Variants in ALG14 observed in about 807,000 individuals in gnomAD.
ALG14 encodes UDP-N-acetylglucosamine transferase subunit ALG14.
ALG14 carries 17 observed loss-of-function variants against 22.8 expected under a neutral mutation model. That is an observed-to-expected ratio of 0.75 (90% CI 0.51 to 1.12). The LOEUF is 1.12. ALG14 is among the 50% of genes most tolerant of loss of function. The pLI is 0.00. For missense variants in ALG14, 288 were observed against 271.8 expected, an observed-to-expected ratio of 1.06 and a Z score of -0.42; for synonymous variants, 89 against 103.7, an observed-to-expected ratio of 0.86 and a Z score of 0.86.
At chr1:95,027,800 C>CT (rs1344100670) in intron 2 of ALG14, among the ~76,000 whole-genome samples, 1 of 152,170 alleles carries the variant, frequency 6.6e-6, no homozygotes, top group East Asian at 1.9e-4. Flanking sequence ...ATGGGTACAA[C>CT]TTTTTGGGAG....
At chr1:94,995,940 G>A (rs1339724825) in intron 3 of ALG14, among the ~76,000 whole-genome samples, 1 of 152,172 alleles carries the variant, frequency 6.6e-6, no homozygotes. Flanking sequence ...GGAGGTTTTT[G>A]GAGGGTTTTA....
chr1:95,065,783 C>G (rs1675339318), intron 1 of ALG14, among the ~76,000 whole-genome samples: 1 of 152,196 alleles, frequency 6.6e-6, no homozygotes, highest in South Asian at 2.1e-4. Flanking sequence ...TATTTATCAG[C>G]TTCACCAAAT....
intron 3 of ALG14, among the ~76,000 whole-genome samples, chr1:94,984,942 TTTC>T (rs1021301498): frequency 2.6e-5 from 4 of 152,336 alleles, no homozygotes; most frequent in South Asian, 2.1e-4. Flanking sequence ...TTCTCTTTTT[TTTC>T]TTTTTTTTGT....
intron 1 of ALG14, among the ~76,000 whole-genome samples, chr1:95,070,901 A>AATTT (rs555520829): frequency 1.4e-3 from 217 of 151,984 alleles, no homozygotes; most frequent in African/African-American, 5.0e-3. Flanking sequence ...ACATCCACCT[A>AATTT]ATTTATTTAT....
chr1:95,024,686 G>C (rs1331420061), intron 3 of ALG14, among the ~76,000 whole-genome samples: 1 of 152,194 alleles, frequency 6.6e-6, no homozygotes, highest in Non-Finnish European at 1.5e-5. Flanking sequence ...GGGTAGAGCT[G>C]TGTTTACTTT....
chr1:95,005,247 G>T (rs1462881107), intron 3 of ALG14, among the ~76,000 whole-genome samples: 2 of 152,208 alleles, frequency 1.3e-5, no homozygotes, highest in East Asian at 3.9e-4. Context: ...AATTTAGAGG[G>T]CTTGACACAT....
At chr1:95,002,326 C>T (rs769472600) in intron 3 of ALG14, among the ~76,000 whole-genome samples, 2 of 151,400 alleles carry the variant, frequency 1.3e-5, no homozygotes, top group Non-Finnish European at 2.9e-5. Flanking sequence ...AGGAGAAAGA[C>T]AGGCAGCCTC....
At chr1:95,048,305 T>A (rs542741328) in intron 2 of ALG14, among the ~76,000 whole-genome samples, 49 of 152,236 alleles carry the variant, frequency 3.2e-4, no homozygotes, top group Admixed American at 1.4e-3. Context: ...GTTTTATATA[T>A]GAAAAACTCT....
chr1:94,984,718 G>T (rs1020953490), intron 3 of ALG14, among the ~76,000 whole-genome samples: 1 of 152,176 alleles, frequency 6.6e-6, no homozygotes, highest in African/African-American at 2.4e-5. Flanking sequence ...CCCCAAGGCA[G>T]TGTAATAGAA....
At chr1:94,983,841 A>C (rs1468569791) in intron 3 of ALG14, among the ~76,000 whole-genome samples, 2 of 151,764 alleles carry the variant, frequency 1.3e-5, no homozygotes, top group African/African-American at 4.8e-5. Context: ...TCCCGGGTTC[A>C]AGCGATTCTC....
chr1:94,991,446 CT>C (rs1249865803), intron 3 of ALG14, among the ~76,000 whole-genome samples: 1 of 152,178 alleles, frequency 6.6e-6, no homozygotes, highest in Non-Finnish European at 1.5e-5. Flanking sequence ...CTGTAGGCAA[CT>C]ATAACACATG....
chr1:95,016,118 C>T (rs1296740744), intron 3 of ALG14, among the ~76,000 whole-genome samples: 2 of 152,102 alleles, frequency 1.3e-5, no homozygotes, highest in African/African-American at 2.4e-5. Flanking sequence ...GAGTGGCAGA[C>T]CTAGATTTTA....
chr1:95,033,403 A>G (rs966348961), intron 2 of ALG14, among the ~76,000 whole-genome samples: 9 of 88,238 alleles, frequency 1.0e-4, no homozygotes, highest in Non-Finnish European at 1.9e-4. Context: ...ACATACATAC[A>G]TATATATATA....
In ALG14 at chr1:94,979,291, A is replaced by G. The variant is rs866411987; in HGVS notation, c.*3785T>C. On this transcript the variant is annotated 3_prime_UTR_variant, in exon 4 of 4. Transcript: ENST00000370205. ...TGGGCGATGGAGCGAGACTGTCTCG[A>G]AAAAAAAAAAAAAAAAAAAAAAAGA... 19 of 107,368 alleles carry G rather than the reference A, an allele frequency of 1.8e-4. No individual in the cohort carries two copies. In the East Asian group the frequency reaches 3.4e-3, roughly 19 times the overall value. The allele number at this position is 107,368 out of a possible 1,614,324, so 6.7% of individuals were successfully genotyped here. A position where few individuals can be genotyped will look rare whatever the true frequency, so the allele number is the denominator to read the frequency against.
intron 3 of ALG14, among the ~76,000 whole-genome samples, chr1:95,025,935 A>C (rs1282671577): frequency 6.6e-6 from 1 of 152,104 alleles, no homozygotes; most frequent in African/African-American, 2.4e-5. Flanking sequence ...TCACAGGAGT[A>C]GCACTTTTTT....
At position 95,024,269 on chromosome 1, in the gene ALG14, G is replaced by A. The variant is rs552049061; in HGVS notation, c.420+2860C>T. Among the ~76,000 whole-genome samples, 30 of 152,192 alleles carry A rather than the reference G, an allele frequency of 2.0e-4. No homozygotes were observed. In the South Asian group the frequency reaches 4.4e-3, roughly 22 times the overall value. On this transcript the variant is annotated intron_variant, in intron 3 of 3. Coordinates refer to ENST00000370205, the MANE Select transcript of ALG14 (RefSeq NM_144988.4). ...TGGGATTATAGGCATGAGCGACCGC[G>A]CCCGGCCTTTTAAATAGGGTCTCTA...
At chr1:95,037,936 C>G (rs183031195) in intron 2 of ALG14, among the ~76,000 whole-genome samples, 1 of 152,148 alleles carries the variant, frequency 6.6e-6, no homozygotes, top group Non-Finnish European at 1.5e-5. Context: ...AAGACATTCA[C>G]AAGGAACTCA....
At chr1:95,056,174 C>T (rs1335999256) in intron 2 of ALG14, among the ~76,000 whole-genome samples, 1 of 152,006 alleles carries the variant, frequency 6.6e-6, no homozygotes, top group African/African-American at 2.4e-5. Context: ...GAATAGAGAG[C>T]TAAGATACAG....
chr1:95,071,217 T>A (rs1412586516), intron 1 of ALG14, among the ~76,000 whole-genome samples: 3 of 152,126 alleles, frequency 2.0e-5, no homozygotes, highest in African/African-American at 7.2e-5. Flanking sequence ...AACCCCTACA[T>A]GATATCAACA....
Sources: allele counts gnomAD v4.1 joint callset (sites outside exome capture counted in the v4.1 genomes callset), GRCh38; gene constraint gnomAD v4.1.1; transcripts MANE v1.5; gene names NCBI Gene and HGNC (gene_info 2026-07-23, HGNC 2026-07-21).